GATM: variants seen among roughly 807,000 people sequenced by gnomAD.
GATM encodes glycine amidinotransferase, mitochondrial.
A neutral mutation model predicts 54.2 loss-of-function variants in GATM; 23 were observed. That is an observed-to-expected ratio of 0.42 (90% confidence interval 0.31 to 0.60). GATM has a LOEUF of 0.60. Among genes scored for constraint, GATM ranks in the 20% least tolerant of loss-of-function variants. The pLI, the probability that GATM is intolerant of heterozygous loss-of-function variation, is 0.14. For missense variants in GATM, 401 were observed against 544.9 expected, an observed-to-expected ratio of 0.74 and a Z score of 2.63; for synonymous variants, 168 against 183.1, an observed-to-expected ratio of 0.92 and a Z score of 0.67.
intron 3 of GATM, among the ~76,000 whole-genome samples, chr15:45,390,141 T>C (rs1026198925): frequency 6.6e-6 from 1 of 152,176 alleles, no homozygotes; most frequent in African/African-American, 2.4e-5. Flanking sequence ...CATGAGCCAC[T>C]GTGCCCAGCC....
chr15:45,378,835 T>C (rs1052569106), upstream of GATM: 41 of 234,008 alleles, frequency 1.8e-4, no homozygotes, highest in African/African-American at 9.2e-4. Flanking sequence ...TCTGACGAAG[T>C]GACAATGGTC....
intron 3 of GATM, among the ~76,000 whole-genome samples, chr15:45,387,120 G>A (rs1329741270): frequency 6.6e-6 from 1 of 152,176 alleles, no homozygotes; most frequent in Non-Finnish European, 1.5e-5. Flanking sequence ...TTTTATGAAG[G>A]CTTGATTTAG....
intron 2 of GATM, among the ~76,000 whole-genome samples, chr15:45,370,162 T>C (rs1223132876): frequency 6.6e-6 from 1 of 152,016 alleles, no homozygotes; most frequent in East Asian, 1.9e-4. Flanking sequence ...GATAGCTTGA[T>C]GTCAGGAGTT....
intron 3 of GATM, among the ~76,000 whole-genome samples, chr15:45,391,012 C>T (rs929644610): frequency 2.0e-5 from 3 of 152,214 alleles, no homozygotes; most frequent in Non-Finnish European, 2.9e-5. Flanking sequence ...AATCTCTCCA[C>T]GCCTACTTGT....
intron 1 of GATM, chr15:45,377,607 T>G (rs1423413722): frequency 8.2e-6 from 2 of 243,056 alleles, no homozygotes; most frequent in South Asian, 9.5e-5. Context: ...CAAATCTCTA[T>G]CCTGCTCTGT....
chr15:45,372,522 C>G lies in GATM; in HGVS notation c.289-3001G>C, dbSNP rs142108428. ...GATAATAATGACTCTTTATATTCCT[C>G]TCAGATACATGCTGGTACTACTCAT... On this transcript the variant is annotated intron_variant, in intron 2 of 8. Transcript: ENST00000396659. Among the ~76,000 whole-genome samples, 193 of 152,334 alleles carry G rather than the reference C, an allele frequency of 1.3e-3. 6 individuals are homozygous for G. In the East Asian group the frequency reaches 0.025, roughly 20 times the overall value.
chr15:45,390,025 C>A (rs147683395), intron 3 of GATM, among the ~76,000 whole-genome samples: 39 of 151,860 alleles, frequency 2.6e-4, no homozygotes, highest in Non-Finnish European at 5.0e-4. Context: ...CTAATTTTTG[C>A]GTTTTTAGTG....
chr15:45,400,739 TG>T (rs1403278863), intron 1 of GATM, among the ~76,000 whole-genome samples: 1 of 152,234 alleles, frequency 6.6e-6, no homozygotes, highest in Non-Finnish European at 1.5e-5. Context: ...CTTTACTTCT[TG>T]GCCATTTCTG....
intron 2 of GATM, among the ~76,000 whole-genome samples, chr15:45,370,191 C>T (rs1889516800): frequency 6.6e-6 from 1 of 151,990 alleles, no homozygotes; most frequent in South Asian, 2.1e-4. Context: ...GCCTGGCCAA[C>T]ATGGGGAAAC....
intron 2 of GATM, among the ~76,000 whole-genome samples, chr15:45,397,947 G>A (rs1159761144): frequency 1.3e-5 from 2 of 152,252 alleles, no homozygotes; most frequent in African/African-American, 4.8e-5. Flanking sequence ...CCTGGTGTCA[G>A]AAGTGCTGTG....
At chr15:45,401,570 GAA>G (rs3840832) in intron 1 of GATM, among the ~76,000 whole-genome samples, 7 of 150,652 alleles carry the variant, frequency 4.6e-5, no homozygotes, top group East Asian at 3.9e-4. Context: ...AAAGCAGCTG[GAA>G]AAAAAAAATA....
rs1289637128 is a variant in GATM, at chr15:45,368,261, C to CG, written c.485-2_485-1insC. ...TCTCGAGGCATTGCACTGTATAAACCTGTCAGACCAAAAAATTCCATGACA... is the reference window on the plus strand; with the variant it reads ...TCTCGAGGCATTGCACTGTATAAACCGTGTCAGACCAAAAAATTCCATGACA... On this transcript the variant is annotated splice_acceptor_variant, in intron 3 of 8. Coordinates refer to ENST00000396659, the MANE Select transcript of GATM (RefSeq NM_001482.3). LOFTEE classifies it high-confidence loss of function. This position sits in a 1 kb window ranked among gnomAD's most constrained non-coding sequence, Gnocchi z 5.1. 1 of 1,613,508 alleles carries CG rather than the reference C, an allele frequency of 6.2e-7. No homozygotes were observed. The highest frequency in any genetic ancestry group is 1.3e-5 in the African/African-American group (1 of 75,024).
In GATM at chr15:45,368,178, G is replaced by A. The variant is rs953018412; in HGVS notation, c.567C>T (p.Arg189=). 2 of 1,614,008 alleles carry A rather than the reference G, an allele frequency of 1.2e-6. No homozygotes were observed. The highest frequency in any genetic ancestry group is 1.6e-4 in the Middle Eastern group (1 of 6,064). ...IIEAPMAWRS[R]FFEYRAYRSI... ...ACCTGTACGCTCGGTACTCAAAGAAGCGTGAACGCCATGCCATGGGAGCCT... is the reference window on the plus strand; with the variant it reads ...ACCTGTACGCTCGGTACTCAAAGAAACGTGAACGCCATGCCATGGGAGCCT... The change falls in exon 4 of 9, where the codon CGC becomes CGT. Residue 189 remains arginine (R), a synonymous_variant. Transcript: ENST00000396659. This position sits in a 1 kb window ranked among gnomAD's most constrained non-coding sequence, Gnocchi z 5.1.
At chr15:45,401,490 G>C (rs1378055480) in intron 1 of GATM, among the ~76,000 whole-genome samples, 1 of 152,068 alleles carries the variant, frequency 6.6e-6, no homozygotes, top group African/African-American at 2.4e-5. Flanking sequence ...TTTTTTAACG[G>C]CAATTAAGAG....
chr15:45,400,148 G>C (rs745744295), intron 1 of GATM, among the ~76,000 whole-genome samples: 20 of 152,184 alleles, frequency 1.3e-4, no homozygotes, highest in Middle Eastern at 3.2e-3. Context: ...CTTGAACTTG[G>C]GAAACAGATG....
chr15:45,364,231 A>G, intron 7 of GATM: 1 of 555,580 alleles, frequency 1.8e-6, no homozygotes, highest in East Asian at 3.1e-5. Flanking sequence ...TTCTTTTAAA[A>G]GTCATATCTT....
chr15:45,366,023 C>T (rs1218398679), intron 6 of GATM, 23 bp downstream of exon 6: 1 of 1,612,930 alleles, frequency 6.2e-7, no homozygotes, highest in Non-Finnish European at 8.5e-7. Context: ...GTTGCTTTTC[C>T]AGAGTCCCAA....
intron 8 of GATM, 72 bp from the exon 9 acceptor site, chr15:45,362,293 A>G: frequency 1.1e-6 from 1 of 914,190 alleles, no homozygotes; most frequent in Non-Finnish European, 1.8e-6. Flanking sequence ...GTAGGCCTAC[A>G]GACTTGGAGG....
rs11310088 is a variant in GATM at position 45,393,418 on chromosome 15, T to TA, written c.-319+3503dup. ...CGCCTCAGTTCTCTCAACTATAAATTAAAAAAAAAAAATAGTTCCAACCTC... is the reference window on the plus strand; with the variant it reads ...CGCCTCAGTTCTCTCAACTATAAATTAAAAAAAAAAAAATAGTTCCAACCTC... On this transcript the variant is annotated intron_variant, in intron 3 of 4. Coordinates refer to the GATM transcript ENST00000561148. 3.4e-3 allele frequency among the ~76,000 whole-genome samples: 506 copies of TA among 147,782 alleles called. 1 individual carries two copies. Among genetic ancestry groups the TA allele is most frequent in the African/African-American group, 0.011 (452 of 40,236 alleles).
Sources: allele counts gnomAD v4.1 joint callset (sites outside exome capture counted in the v4.1 genomes callset), GRCh38; gene constraint gnomAD v4.1.1; non-coding constraint Gnocchi (gnomAD v3.1); transcripts MANE v1.5; gene names NCBI Gene and HGNC (gene_info 2026-07-23, HGNC 2026-07-21).